KALRN: variants seen among roughly 807,000 people sequenced by gnomAD.
The protein encoded by KALRN is kalirin RhoGEF kinase.
A neutral mutation model predicts 353.7 loss-of-function variants in KALRN; 70 were observed. The ratio of observed to expected loss-of-function variants is 0.20; its 90% confidence interval spans 0.16 to 0.24. KALRN has a LOEUF of 0.24. KALRN is among the 10% of genes least tolerant of loss of function. The pLI, the probability that KALRN is intolerant of heterozygous loss-of-function variation, is 1.00. For synonymous variants in KALRN, 1,391 were observed against 1,434.8 expected, an observed-to-expected ratio of 0.97 and a Z score of 0.69; for missense variants, 2,791 against 3,756.7, an observed-to-expected ratio of 0.74 and a Z score of 6.72.
intron 55 of KALRN, among the ~76,000 whole-genome samples, chr3:124,698,164 T>C (rs1291439112): frequency 6.6e-6 from 1 of 152,118 alleles, no homozygotes; most frequent in East Asian, 1.9e-4. Flanking sequence ...AGACAGGGTC[T>C]CACTATGCTG....
At chr3:124,491,276 C>G (rs574386021) in intron 30 of KALRN, 47 bp from the exon 31 acceptor site, 2 of 1,385,324 alleles carry the variant, frequency 1.4e-6, no homozygotes, top group East Asian at 4.8e-5. Flanking sequence ...TAAGTTTCCC[C>G]ACTGCCCTCC....
At chr3:124,542,233 G>A (rs1327428074) in intron 33 of KALRN, among the ~76,000 whole-genome samples, 1 of 152,170 alleles carries the variant, frequency 6.6e-6, no homozygotes, top group Non-Finnish European at 1.5e-5. Context: ...CAGGGAGGCG[G>A]CTGAAAGTAA....
intron 34 of KALRN, among the ~76,000 whole-genome samples, chr3:124,572,345 AAAC>A (rs1221375259): frequency 5.3e-5 from 8 of 151,976 alleles, no homozygotes; most frequent in Non-Finnish European, 1.0e-4. Flanking sequence ...AAAAAACAAA[AAAC>A]AAAAAAAAAA....
intron 6 of KALRN, among the ~76,000 whole-genome samples, chr3:124,308,197 G>T (rs1433482926): frequency 1.3e-5 from 2 of 151,952 alleles, no homozygotes; most frequent in South Asian, 2.1e-4. Context: ...AATGAAGCAA[G>T]AAATATACAA....
chr3:124,045,306 C>T (rs192412479), intron 1 of KALRN, among the ~76,000 whole-genome samples: 57 of 152,122 alleles, frequency 3.7e-4, no homozygotes, highest in Admixed American at 3.1e-3. Context: ...GGTAGGACTC[C>T]GTGTCAGGGT....
Position 124,653,325 on chromosome 3 carries a change from G to A in KALRN, c.5796-2276G>A, listed in dbSNP as rs765770603. ...AAAAAAGTTGAGAATGGAGTTACTT[G>A]TCTTCAAGTTTTAGTCATTCAACAA... On this transcript the variant is annotated intron_variant, in intron 38 of 59. Coordinates refer to ENST00000682506, the MANE Select transcript of KALRN (RefSeq NM_001388419.1). Among the ~76,000 whole-genome samples, 181 of 152,266 alleles carry A rather than the reference G, an allele frequency of 1.2e-3. 1 individual carries two copies. In the Middle Eastern group the frequency reaches 0.02, roughly 17 times the overall value.
At chr3:124,040,756 T>C (rs1237438782) in intron 1 of KALRN, among the ~76,000 whole-genome samples, 1 of 152,236 alleles carries the variant, frequency 6.6e-6, no homozygotes, top group South Asian at 2.1e-4. Context: ...GTATGGAGCA[T>C]CTAGTGGTCT....
chr3:124,278,875 G>A (rs1167693045), intron 5 of KALRN, among the ~76,000 whole-genome samples: 2 of 152,146 alleles, frequency 1.3e-5, no homozygotes, highest in East Asian at 1.9e-4. Flanking sequence ...TTTGGGGTAG[G>A]AAGCTTTCCC....
Position 124,432,543 on chromosome 3 carries a change from G to C in KALRN, c.2830-1764G>C, listed in dbSNP as rs530821560. 2.0e-4 allele frequency among the ~76,000 whole-genome samples: 31 copies of C among 152,350 alleles called. No individual in the cohort carries two copies. In the South Asian group the frequency reaches 6.2e-3, roughly 31 times the overall value. On this transcript the variant is annotated intron_variant, in intron 16 of 59. Transcript: ENST00000682506. Reference sequence around the variant, plus strand: ...TATGAGGCATGCTGGGCAGAATGAAGACAGCTCTTGGCCATACCTCCTCTT... The same window carrying C: ...TATGAGGCATGCTGGGCAGAATGAACACAGCTCTTGGCCATACCTCCTCTT...
intron 34 of KALRN, among the ~76,000 whole-genome samples, chr3:124,625,843 G>C (rs1185076276): frequency 6.6e-6 from 1 of 152,202 alleles, no homozygotes; most frequent in African/African-American, 2.4e-5. Flanking sequence ...CACTTTGGGA[G>C]GCTGAGGTGG....
chr3:124,070,370 G>T (rs1456691127), intron 1 of KALRN, among the ~76,000 whole-genome samples: 1 of 152,168 alleles, frequency 6.6e-6, no homozygotes, highest in Non-Finnish European at 1.5e-5. Flanking sequence ...CTGGCATTCT[G>T]TCTTTACCGA....
intron 47 of KALRN, among the ~76,000 whole-genome samples, chr3:124,669,692 G>T (rs910311437): frequency 2.9e-4 from 44 of 152,078 alleles, no homozygotes; most frequent in Admixed American, 2.7e-3. Context: ...GTCAGCCCTT[G>T]GTATCCACAG....
chr3:124,254,979 CT>C (rs2148799717), intron 3 of KALRN, among the ~76,000 whole-genome samples: 6 of 151,988 alleles, frequency 3.9e-5, no homozygotes, highest in African/African-American at 1.4e-4. Context: ...GAGTTTTGCT[CT>C]TGTTACCCAG....
At chr3:124,678,032 G>A (rs987661454) in intron 49 of KALRN, among the ~76,000 whole-genome samples, 158 bp from the exon 50 acceptor site, 2 of 152,200 alleles carry the variant, frequency 1.3e-5, no homozygotes, top group East Asian at 1.9e-4. Context: ...GAGGTCAGCC[G>A]CCAGCCACCC....
At chr3:124,487,724 T>A (rs568892530) in intron 28 of KALRN, among the ~76,000 whole-genome samples, 80 of 152,348 alleles carry the variant, frequency 5.3e-4, no homozygotes, top group African/African-American at 1.9e-3. Context: ...GAAGTCAGCA[T>A]TCAGGCTGTA....
intron 10 of KALRN, among the ~76,000 whole-genome samples, chr3:124,363,636 A>G (rs2084311618): frequency 6.6e-6 from 1 of 152,318 alleles, no homozygotes; most frequent in East Asian, 1.9e-4. Flanking sequence ...TATAGAAGAG[A>G]TTGATGATAT....
chr3:124,071,787 G>A (rs1474741338), intron 1 of KALRN, among the ~76,000 whole-genome samples: 1 of 152,258 alleles, frequency 6.6e-6, no homozygotes, highest in African/African-American at 2.4e-5. Flanking sequence ...TCTAAATTTT[G>A]GAGGGGATAC....
chr3:124,587,781 C>T (rs1271977146), intron 34 of KALRN, among the ~76,000 whole-genome samples: 1 of 141,348 alleles, frequency 7.1e-6, no homozygotes, highest in South Asian at 2.3e-4. Flanking sequence ...TCATGGTTCA[C>T]CACAACCAGG....
intron 1 of KALRN, among the ~76,000 whole-genome samples, chr3:124,093,171 G>A (rs569851937): frequency 9.2e-5 from 14 of 152,210 alleles, no homozygotes; most frequent in African/African-American, 2.2e-4. Context: ...CCCCCTGGAC[G>A]TGCCTCCTCC....
Sources: allele counts gnomAD v4.1 joint callset (sites outside exome capture counted in the v4.1 genomes callset), GRCh38; gene constraint gnomAD v4.1.1; transcripts MANE v1.5; gene names NCBI Gene and HGNC (gene_info 2026-07-23, HGNC 2026-07-21).